Variants in PITPNM2 observed in about 807,000 individuals in gnomAD.
PITPNM2 encodes the protein phosphatidylinositol transfer protein membrane associated 2.
A neutral mutation model predicts 132.2 loss-of-function variants in PITPNM2; 35 were observed. That is an observed-to-expected ratio of 0.26 (90% CI 0.20 to 0.35). The LOEUF (loss-of-function observed/expected upper bound fraction) is 0.35. Ranked by LOEUF, PITPNM2 falls within the 10% of genes least tolerant of loss-of-function variation. PITPNM2 has a pLI of 1.00. For synonymous variants in PITPNM2, 738 were observed against 799.2 expected, an observed-to-expected ratio of 0.92 and a Z score of 1.29; for missense variants, 1,332 against 1,912.0, an observed-to-expected ratio of 0.70 and a Z score of 5.66.
chr12:123,144,939 A>C (rs369543093), intron 1 of PITPNM2, among the ~76,000 whole-genome samples: 2 of 152,342 alleles, frequency 1.3e-5, no homozygotes, highest in African/African-American at 4.8e-5. Flanking sequence ...CGCAGGCTCA[A>C]AGGAGCCTAA....
Position 123,000,975 on chromosome 12 carries a change from A to T in PITPNM2, c.1153+79T>A. The T allele has an allele frequency of 6.5e-7, 1 of 1,528,256 alleles. No homozygotes were observed. The allele number at this position is 1,528,256 out of a possible 1,614,324, so 94.7% of individuals were successfully genotyped here. A position where few individuals can be genotyped will look rare whatever the true frequency, so the allele number is the denominator to read the frequency against. ...CTCACATGTATGCCCAGCACTGTGC[A>T]GAAGCTGGTCAGAAAGGAGGGGGCT... On this transcript the variant is annotated intron_variant, in intron 9 of 25. Transcript: ENST00000320201. This position sits in a 1 kb window ranked among gnomAD's most constrained non-coding sequence, Gnocchi z 5.4.
rs952909209 is a variant in PITPNM2 at position 123,064,441 on chromosome 12, G to A, written c.-95-29756C>T. Among the ~76,000 whole-genome samples the A allele has an allele frequency of 2.6e-5, 4 of 152,254 alleles. No homozygotes were observed. Among genetic ancestry groups the A allele is most frequent in the African/African-American group, 9.6e-5 (4 of 41,476 alleles). Reference sequence around the variant, plus strand: ...GTGCAGGAGCATCAAGACCTGGGCTGGGGGTGGCACAGGGCAGGGGAGCTG... The same window carrying A: ...GTGCAGGAGCATCAAGACCTGGGCTAGGGGTGGCACAGGGCAGGGGAGCTG... On this transcript the variant is annotated intron_variant, in intron 2 of 25. Transcript: ENST00000320201. This position sits in a 1 kb window ranked among gnomAD's most constrained non-coding sequence, Gnocchi z 4.0.
rs533080066 is a variant in PITPNM2 at position 123,064,736 on chromosome 12, C to G, written c.-95-30051G>C. Among the ~76,000 whole-genome samples, 1 of 152,208 alleles carries G rather than the reference C, an allele frequency of 6.6e-6. No homozygotes were observed. The highest frequency in any genetic ancestry group is 1.5e-5 in the Non-Finnish European group (1 of 68,036). On this transcript the variant is annotated intron_variant, in intron 2 of 25. Coordinates refer to ENST00000320201, the MANE Select transcript of PITPNM2 (RefSeq NM_020845.3). The surrounding 1 kb of genome is among the most constrained non-coding windows in gnomAD (Gnocchi z 4.0). Reference sequence around the variant, plus strand: ...GGGAAGGTTGTGGGGGTAAGCACATCACCCTCACCCTGCAAAAAAAAGCTA... The same window carrying G: ...GGGAAGGTTGTGGGGGTAAGCACATGACCCTCACCCTGCAAAAAAAAGCTA...
At chr12:123,042,908 C>A (rs751235778) in intron 2 of PITPNM2, among the ~76,000 whole-genome samples, 18 of 152,012 alleles carry the variant, frequency 1.2e-4, no homozygotes, top group Non-Finnish European at 2.5e-4. Flanking sequence ...AGCAACCATC[C>A]CCTTATGCCT....
At chr12:123,048,779 G>A (rs1401529060) in intron 2 of PITPNM2, among the ~76,000 whole-genome samples, 1 of 152,144 alleles carries the variant, frequency 6.6e-6, no homozygotes, top group Non-Finnish European at 1.5e-5. Flanking sequence ...GAGATGGATG[G>A]TGGTTATGGT....
At chr12:123,140,320 A>G (rs1181617813) in intron 1 of PITPNM2, among the ~76,000 whole-genome samples, 2 of 152,126 alleles carry the variant, frequency 1.3e-5, no homozygotes, top group Non-Finnish European at 2.9e-5. Context: ...ACAGCAAGGA[A>G]AGTGGGCACC....
At chr12:123,035,503 T>C (rs2040234675) in intron 2 of PITPNM2, among the ~76,000 whole-genome samples, 1 of 151,988 alleles carries the variant, frequency 6.6e-6, no homozygotes, top group Admixed American at 6.6e-5. Context: ...CCGTCTCTAC[T>C]AAAAACACAA....
chr12:123,150,144 C>T lies in PITPNM2; in HGVS notation c.-200+609G>A, dbSNP rs1291386419. On this transcript the variant is annotated intron_variant, in intron 1 of 25. Transcript: ENST00000320201. The surrounding 1 kb of genome is among the most constrained non-coding windows in gnomAD (Gnocchi z 6.0). ...GGGCGGGGGACACTGAACTTTCCCT[C>T]TCCCCAAGGCCCCCCGATCAGCCCT... The T allele has an allele frequency of 6.5e-6, 1 of 152,702 alleles. No homozygotes were observed. The highest frequency in any genetic ancestry group is 1.9e-4 in the East Asian group (1 of 5,202). 9.5% of individuals were successfully genotyped at this position (152,702 alleles called of 1,614,324 possible).
chr12:123,068,455 TAATAAATAAATAAATAAATAAATA>T (rs138118886), intron 2 of PITPNM2, among the ~76,000 whole-genome samples: 7 of 147,232 alleles, frequency 4.8e-5, no homozygotes, highest in Admixed American at 1.3e-4. Context: ...CTCCAAAAAA[TAATAAATAAATAAATAAATAAATA>T]AATAAATAAA....
At chr12:122,986,974 C>T (rs1309586532) in intron 23 of PITPNM2, 145 bp from the exon 24 acceptor site, 22 of 1,165,652 alleles carry the variant, frequency 1.9e-5, no homozygotes, top group Non-Finnish European at 2.5e-5. Context: ...TTGACAATGA[C>T]GTGCTGCAGC....
intron 10 of PITPNM2, among the ~76,000 whole-genome samples, chr12:122,999,111 CAAA>C (rs5801497): frequency 7.8e-5 from 7 of 89,710 alleles, no homozygotes; most frequent in Admixed American, 1.2e-4. Context: ...ACCCTGTCTC[CAAA>C]AAAAAAAAAA....
chr12:123,116,583 A>T (rs1206555263), intron 1 of PITPNM2, among the ~76,000 whole-genome samples: 3 of 147,164 alleles, frequency 2.0e-5, no homozygotes, highest in Non-Finnish European at 4.5e-5. Flanking sequence ...CAGGAGGTTG[A>T]GGCTGCAGTA....
rs541474948 is a variant in PITPNM2, at chr12:123,138,994, C to T, written c.-200+11759G>A. On this transcript the variant is annotated intron_variant, in intron 1 of 25. Coordinates refer to ENST00000320201, the MANE Select transcript of PITPNM2 (RefSeq NM_020845.3). ...CTCTACAAAAAATTAGGCAATTAGCCAGGCACTGTGATGCACGCCTGTAGT... is the reference window on the plus strand; with the variant it reads ...CTCTACAAAAAATTAGGCAATTAGCTAGGCACTGTGATGCACGCCTGTAGT... Among the ~76,000 whole-genome samples the T allele has an allele frequency of 1.1e-3, 167 of 152,046 alleles. 1 individual carries two copies. The highest frequency in any genetic ancestry group is 6.8e-3 in the Middle Eastern group (2 of 294).
At chr12:123,086,132 G>A (rs1196992379) in intron 2 of PITPNM2, among the ~76,000 whole-genome samples, 4 of 152,218 alleles carry the variant, frequency 2.6e-5, no homozygotes, top group Non-Finnish European at 4.4e-5. Flanking sequence ...GAAAAATACC[G>A]GGAAGGTTGC....
chr12:123,009,803 G>A lies in PITPNM2; in HGVS notation c.643+47C>T. On this transcript the variant is annotated intron_variant, in intron 6 of 25. Transcript: ENST00000320201. The surrounding 1 kb of genome is among the most constrained non-coding windows in gnomAD (Gnocchi z 4.8). Reference sequence around the variant, plus strand: ...AGACAGGCAGGTGACAGGAGACAGAGGGGTTGGGTAGCCCAGCCACTGCCC... The same window carrying A: ...AGACAGGCAGGTGACAGGAGACAGAAGGGTTGGGTAGCCCAGCCACTGCCC... 6.5e-7 allele frequency: 1 copy of A among 1,533,672 alleles called. No individual in the cohort carries two copies. The highest frequency in any genetic ancestry group is 1.4e-5 in the African/African-American group (1 of 73,312).
chr12:123,110,844 G>C (rs1275397264), intron 1 of PITPNM2, among the ~76,000 whole-genome samples: 2 of 152,172 alleles, frequency 1.3e-5, no homozygotes, highest in African/African-American at 2.4e-5. Context: ...AACCCCACTG[G>C]GATTGGAGGA....
At position 123,078,280 on chromosome 12, in the gene PITPNM2, C is replaced by A. The variant is rs1361230808; in HGVS notation, c.-96+32105G>T. ...TCCCACAGTTCTGCTGCTGCAGCCT[C>A]CCCCATACCAGGCCTCAGGGTCCAG... On this transcript the variant is annotated intron_variant, in intron 2 of 25. Transcript: ENST00000320201. The surrounding 1 kb of genome is among the most constrained non-coding windows in gnomAD (Gnocchi z 7.3). Among the ~76,000 whole-genome samples, 2 of 152,156 alleles carry A rather than the reference C, an allele frequency of 1.3e-5. No individual in the cohort carries two copies. Among genetic ancestry groups the A allele is most frequent in the Non-Finnish European group, 2.9e-5 (2 of 68,030 alleles).
chr12:123,079,096 T>C (rs2136985264), intron 2 of PITPNM2, among the ~76,000 whole-genome samples: 1 of 152,264 alleles, frequency 6.6e-6, no homozygotes, highest in East Asian at 1.9e-4. Flanking sequence ...CAGGCACTAG[T>C]GCTGTCCTGG....
chr12:123,041,314 GAT>G (rs1250732121), intron 2 of PITPNM2, among the ~76,000 whole-genome samples: 1 of 152,198 alleles, frequency 6.6e-6, no homozygotes, highest in Non-Finnish European at 1.5e-5. Context: ...GGGTCCCTGA[GAT>G]ATAGGGCCTG....
Sources: gnomAD v4.1 joint callset for allele counts (sites outside exome capture counted in the v4.1 genomes callset) on GRCh38, gnomAD v4.1.1 for gene constraint, Gnocchi (gnomAD v3.1) non-coding constraint, MANE v1.5 for transcripts, NCBI Gene and HGNC (gene_info 2026-07-23, HGNC 2026-07-21) for gene names.